Variants in VEPH1 observed in about 807,000 individuals in gnomAD.
The protein encoded by VEPH1 is ventricular zone expressed PH domain containing 1.
In VEPH1, 80 loss-of-function variants were observed where a neutral mutation model predicts 85.2. That is an observed-to-expected ratio of 0.94 (90% CI 0.78 to 1.13). The LOEUF (loss-of-function observed/expected upper bound fraction) is 1.13, where lower values mean the gene tolerates loss of function less well. VEPH1 is among the 50% of genes most tolerant of loss of function. The probability of loss-of-function intolerance (pLI) is 0.00; values close to 1 mark genes in which losing one functional copy is unlikely to be tolerated. For missense variants in VEPH1, 955 were observed against 980.5 expected (o/e 0.97, Z 0.35); for synonymous variants, 297 against 348.0 (o/e 0.85, Z 1.63).
intron 3 of VEPH1, among the ~76,000 whole-genome samples, chr3:157,470,061 A>G (rs547374274): frequency 6.6e-6 from 1 of 152,200 alleles, no homozygotes; most frequent in African/African-American, 2.4e-5. Context: ...TTTTATATGT[A>G]TACTCTCCAA....
At chr3:157,406,000 T>C (rs1187632946) in intron 6 of VEPH1, among the ~76,000 whole-genome samples, 1 of 152,210 alleles carries the variant, frequency 6.6e-6, no homozygotes, top group Non-Finnish European at 1.5e-5. Context: ...ATATTTTGTA[T>C]GTACTCAAAG....
chr3:157,477,565 C>CT (rs1439639216), intron 2 of VEPH1, among the ~76,000 whole-genome samples: 1 of 152,054 alleles, frequency 6.6e-6, no homozygotes, highest in East Asian at 1.9e-4. Flanking sequence ...GTGGTGGACA[C>CT]TTGACTTGGG....
At chr3:157,316,846 A>G (rs1266418668) in intron 10 of VEPH1, among the ~76,000 whole-genome samples, 2 of 152,184 alleles carry the variant, frequency 1.3e-5, no homozygotes, top group African/African-American at 4.8e-5. Flanking sequence ...GATATTTAAG[A>G]CATTAATATG....
intron 12 of VEPH1, among the ~76,000 whole-genome samples, chr3:157,269,785 A>C (rs1714300459): frequency 6.6e-6 from 1 of 152,022 alleles, no homozygotes; most frequent in Non-Finnish European, 1.5e-5. Flanking sequence ...TAAAACAAGA[A>C]ACTATTTTTC....
At chr3:157,385,377 G>A (rs925478422) in intron 6 of VEPH1, among the ~76,000 whole-genome samples, 3 of 151,904 alleles carry the variant, frequency 2.0e-5, no homozygotes, top group African/African-American at 7.3e-5. Flanking sequence ...AAATAGATCA[G>A]CAATTCTCAA....
intron 4 of VEPH1, chr3:157,442,376 A>G (rs1268588600): frequency 8.1e-6 from 13 of 1,606,938 alleles, no homozygotes; most frequent in Non-Finnish European, 8.5e-6. Flanking sequence ...GTTGTGAAAC[A>G]GCTATTTTAT....
chr3:157,336,916 A>G (rs1254530911), intron 9 of VEPH1, among the ~76,000 whole-genome samples: 7 of 152,140 alleles, frequency 4.6e-5, no homozygotes, highest in African/African-American at 1.2e-4. Context: ...GTCCAAAAAT[A>G]TTTACTACTT....
intron 9 of VEPH1, among the ~76,000 whole-genome samples, chr3:157,320,151 G>A (rs1264350284): frequency 5.3e-5 from 8 of 152,110 alleles, no homozygotes; most frequent in African/African-American, 1.4e-4. Context: ...TATGTGTTGA[G>A]AGCAATAGGG....
At chr3:157,287,901 T>TTTAC (rs1716986755) in intron 11 of VEPH1, among the ~76,000 whole-genome samples, 1 of 152,246 alleles carries the variant, frequency 6.6e-6, no homozygotes, top group Non-Finnish European at 1.5e-5. Context: ...CATTGAATTA[T>TTTAC]TTACCAATAA....
chr3:157,354,239 A>T (rs1725186356), intron 9 of VEPH1, among the ~76,000 whole-genome samples: 1 of 148,916 alleles, frequency 6.7e-6, no homozygotes, highest in Non-Finnish European at 1.5e-5. Context: ...ACTTCTCTAA[A>T]AAGTAAAGTT....
chr3:157,435,689 G>A lies in VEPH1; in HGVS notation c.530-7201C>T, dbSNP rs1049316045. On this transcript the variant is annotated intron_variant, in intron 4 of 13. Transcript: ENST00000362010. ...ATCAGCTCATGGGATTGTTGTTTTT[G>A]CTTTCCTCTCTATCTTTGGCTCCGG... Among the ~76,000 whole-genome samples the A allele has an allele frequency of 2.0e-5, 3 of 152,128 alleles. No individual in the cohort carries two copies. The East Asian group carries it at 5.8e-4, about 29-fold the overall frequency.
At chr3:157,305,195 C>T (rs1277153782) in intron 11 of VEPH1, among the ~76,000 whole-genome samples, 2 of 147,320 alleles carry the variant, frequency 1.4e-5, no homozygotes, top group African/African-American at 2.5e-5. Context: ...CTGCAAGCTC[C>T]GCCTCCCGGG....
intron 9 of VEPH1, among the ~76,000 whole-genome samples, chr3:157,344,057 C>A (rs1385829652): frequency 6.6e-6 from 1 of 152,082 alleles, no homozygotes; most frequent in Non-Finnish European, 1.5e-5. Context: ...TATGACAAAC[C>A]CACAGCCAAT....
chr3:157,433,853 T>C (rs1297112332), intron 4 of VEPH1, among the ~76,000 whole-genome samples: 1 of 152,200 alleles, frequency 6.6e-6, no homozygotes, highest in Non-Finnish European at 1.5e-5. Flanking sequence ...ATCTGGGCAG[T>C]ACTCTATATA....
At chr3:157,270,273 TA>T (rs571761806) in intron 12 of VEPH1, among the ~76,000 whole-genome samples, 144 of 136,838 alleles carry the variant, frequency 1.1e-3, no homozygotes, top group Admixed American at 9.6e-4. Flanking sequence ...TGCCATCTCT[TA>T]AAAAAAAAAA....
chr3:157,337,326 A>C lies in VEPH1; in HGVS notation c.1736-20125T>G, dbSNP rs191873996. 3.6e-3 allele frequency among the ~76,000 whole-genome samples: 555 copies of C among 152,246 alleles called. 3 individuals carry two copies. Among genetic ancestry groups the C allele is most frequent in the African/African-American group, 0.013 (531 of 41,574 alleles). Reference sequence around the variant, plus strand: ...GACTGTTGTTTCCAGTGTTTCAACAAAAATATTTAATTTAAAAGGTTATCC... The same window carrying C: ...GACTGTTGTTTCCAGTGTTTCAACACAAATATTTAATTTAAAAGGTTATCC... On this transcript the variant is annotated intron_variant, in intron 9 of 13. Transcript: ENST00000362010.
chr3:157,374,575 T>C (rs761749874), intron 7 of VEPH1, among the ~76,000 whole-genome samples: 2 of 152,156 alleles, frequency 1.3e-5, no homozygotes, highest in Non-Finnish European at 2.9e-5. Flanking sequence ...TTCAAGTCTG[T>C]GGAAGAGTAG....
intron 7 of VEPH1, among the ~76,000 whole-genome samples, chr3:157,372,575 A>C (rs1021198456): frequency 6.6e-6 from 1 of 152,220 alleles, no homozygotes; most frequent in Non-Finnish European, 1.5e-5. Context: ...CATTTATTAA[A>C]TCTCTTTCCT....
chr3:157,302,422 G>A (rs577135370), intron 11 of VEPH1, among the ~76,000 whole-genome samples: 1 of 152,292 alleles, frequency 6.6e-6, no homozygotes, highest in African/African-American at 2.4e-5. Context: ...ACCATTGGGA[G>A]GGGAGGCCTT....
Sources: gnomAD v4.1 joint callset for allele counts (sites outside exome capture counted in the v4.1 genomes callset) on GRCh38, gnomAD v4.1.1 for gene constraint, MANE v1.5 for transcripts, NCBI Gene and HGNC (gene_info 2026-07-23, HGNC 2026-07-21) for gene names.